Variants in CD244 observed in about 807,000 individuals in gnomAD.
CD244 encodes CD244 molecule, also known as natural killer cell receptor 2B4.
A neutral mutation model predicts 45.5 loss-of-function variants in CD244; 20 were observed. The ratio of observed to expected loss-of-function variants is 0.44; its 90% CI spans 0.31 to 0.64. The LOEUF (loss-of-function observed/expected upper bound fraction) is 0.64, where lower values mean the gene tolerates loss of function less well. Ranked by LOEUF, CD244 falls within the 30% of genes least tolerant of loss-of-function variation. The probability of loss-of-function intolerance (pLI) is 0.08; values close to 1 mark genes in which losing one functional copy is unlikely to be tolerated. For missense variants in CD244, 407 were observed against 426.9 expected (o/e 0.95, Z 0.41); for synonymous variants, 185 against 160.5 (o/e 1.15, Z -1.15).
intron 8 of CD244, among the ~76,000 whole-genome samples, 166 bp downstream of exon 8, chr1:160,832,353 C>G (rs897554155): frequency 6.6e-6 from 1 of 152,176 alleles, no homozygotes; most frequent in Non-Finnish European, 1.5e-5. Context: ...TCTCCTTGGG[C>G]TTCAGTGTCT....
At chr1:160,851,654 T>C (rs73022002) in intron 1 of CD244, among the ~76,000 whole-genome samples, 1,544 of 152,342 alleles carry the variant, frequency 0.01, 23 homozygotes, top group African/African-American at 0.036. Context: ...TTTTTTATTT[T>C]TACATTTTAA....
chr1:160,857,539 C>T (rs753936121), intron 1 of CD244, among the ~76,000 whole-genome samples: 5 of 152,070 alleles, frequency 3.3e-5, no homozygotes, highest in African/African-American at 9.7e-5. Context: ...GAGTGCATAC[C>T]GTTTGATTCC....
At chr1:160,831,720 G>A (rs1210580264) in intron 8 of CD244, among the ~76,000 whole-genome samples, 3 of 152,162 alleles carry the variant, frequency 2.0e-5, no homozygotes, top group Non-Finnish European at 1.5e-5. Flanking sequence ...TGGCTTTAAT[G>A]TTGGGTGATA....
At chr1:160,850,569 A>G (rs746744776) in intron 1 of CD244, among the ~76,000 whole-genome samples, 10 of 152,250 alleles carry the variant, frequency 6.6e-5, no homozygotes, top group Admixed American at 3.9e-4. Flanking sequence ...ATATCAAGAT[A>G]TATTGTAAAA....
chr1:160,844,361 T>G (rs1472376423), intron 1 of CD244, among the ~76,000 whole-genome samples: 1 of 152,084 alleles, frequency 6.6e-6, no homozygotes, highest in East Asian at 1.9e-4. Context: ...AAAACATAAG[T>G]TTAAGAATTT....
chr1:160,845,155 G>C (rs1389433987), intron 1 of CD244, among the ~76,000 whole-genome samples: 1 of 151,972 alleles, frequency 6.6e-6, no homozygotes, highest in Non-Finnish European at 1.5e-5. Context: ...ACTGGATTTT[G>C]GAGTAGGTCA....
chr1:160,834,776 T>C (rs1296385875), intron 6 of CD244, among the ~76,000 whole-genome samples: 2 of 152,236 alleles, frequency 1.3e-5, no homozygotes, highest in African/African-American at 4.8e-5. Flanking sequence ...GAAGCAGAAT[T>C]CAAACCCAAG....
chr1:160,843,950 T>C (rs1669634205), intron 1 of CD244, among the ~76,000 whole-genome samples: 1 of 152,192 alleles, frequency 6.6e-6, no homozygotes, highest in African/African-American at 2.4e-5. Context: ...AAAGCGGGTA[T>C]ACATAAAATC....
In CD244 at chr1:160,836,283, T is replaced by A. The variant is rs777290573; in HGVS notation, c.835-29A>T. On this transcript the variant is annotated intron_variant, in intron 5 of 8. Transcript: ENST00000368034. ...CACAAGAAATGGAGATGGGGTAACATGAGCGACAGTTCGGTCTGTCCAGAT... is the reference window on the plus strand; with the variant it reads ...CACAAGAAATGGAGATGGGGTAACAAGAGCGACAGTTCGGTCTGTCCAGAT... 3.8e-6 allele frequency: 6 copies of A among 1,577,140 alleles called. No individual in the cohort carries two copies. The South Asian group carries it at 5.5e-5, about 15-fold the overall frequency.
At chr1:160,839,850 G>A (rs186922522) in intron 3 of CD244, among the ~76,000 whole-genome samples, 107 of 152,220 alleles carry the variant, frequency 7.0e-4, no homozygotes, top group African/African-American at 7.7e-4. Flanking sequence ...CAAGTTTTCC[G>A]TCTCACTTTT....
intron 1 of CD244, chr1:160,848,063 C>T (rs1476487686): frequency 1.7e-5 from 6 of 363,068 alleles, no homozygotes; most frequent in South Asian, 6.5e-5. Flanking sequence ...ACCCTTGGAC[C>T]GTGTCTCCTT....
At chr1:160,849,304 C>CT (rs1557840584) in intron 1 of CD244, among the ~76,000 whole-genome samples, 2 of 108,466 alleles carry the variant, frequency 1.8e-5, no homozygotes, top group African/African-American at 8.7e-5. Context: ...TTTTGTTTTA[C>CT]TTTAAGTTCT....
At chr1:160,852,814 G>T (rs2101889306) in intron 1 of CD244, among the ~76,000 whole-genome samples, 1 of 152,104 alleles carries the variant, frequency 6.6e-6, no homozygotes, top group East Asian at 1.9e-4. Flanking sequence ...CCTGAGGTCA[G>T]GAGTTTGAGA....
At position 160,833,032 on chromosome 1, in the gene CD244, A is replaced by G. The variant is rs1482104694; in HGVS notation, c.961-457T>C. 3.3e-5 allele frequency among the ~76,000 whole-genome samples: 5 copies of G among 151,906 alleles called. No individual in the cohort carries two copies. The East Asian group carries it at 9.7e-4, about 29-fold the overall frequency. ...ATGCAAATACTGCCCCAAACCATGT[A>G]TCTCTTCAACGCATGCATACACACA... On this transcript the variant is annotated intron_variant, in intron 7 of 8. Transcript: ENST00000368034.
At chr1:160,853,303 A>C (rs1226138597) in intron 1 of CD244, among the ~76,000 whole-genome samples, 3 of 152,212 alleles carry the variant, frequency 2.0e-5, no homozygotes, top group Non-Finnish European at 4.4e-5. Context: ...ACTGATATAA[A>C]GTTTAAAATC....
chr1:160,841,931 C>T (rs372676368), intron 1 of CD244, 30 bp from the exon 2 acceptor site: 42 of 1,598,874 alleles, frequency 2.6e-5, no homozygotes, highest in Admixed American at 1.0e-4. Flanking sequence ...CTGAAAGTAG[C>T]GGGAAGAGTG....
chr1:160,837,132 A>AT (rs1669361655), intron 5 of CD244, among the ~76,000 whole-genome samples: 1 of 152,202 alleles, frequency 6.6e-6, no homozygotes, highest in Admixed American at 6.5e-5. Context: ...AGGCCTTCAA[A>AT]TTGGAGCCCT....
intron 1 of CD244, among the ~76,000 whole-genome samples, chr1:160,843,902 G>T (rs1044228291): frequency 3.3e-5 from 5 of 152,310 alleles, no homozygotes; most frequent in Middle Eastern, 3.4e-3. Flanking sequence ...AAAACTCAAG[G>T]AACTAAGAGA....
rs781292774 is a variant in CD244, at chr1:160,836,248, C to G, written c.841G>C (p.Glu281Gln). 1.9e-6 allele frequency: 3 copies of G among 1,613,134 alleles called. No individual in the cohort carries two copies. The East Asian group carries it at 6.7e-5, about 36-fold the overall frequency. ...CTCCCCCCTCCAGGAAAAGTCTGCT[C>G]CTGCTCCTGCACAAGAAATGGAGAT... ...DLKTRRNHEQ[E>Q]QTFPGGGSTI... The change falls in exon 6 of 9, where the codon GAG becomes CAG. Residue 281 changes from glutamate (E) to glutamine (Q), a missense_variant. Coordinates refer to ENST00000368034, the MANE Select transcript of CD244 (RefSeq NM_016382.4).
Sources: gnomAD v4.1 joint callset for allele counts (sites outside exome capture counted in the v4.1 genomes callset) on GRCh38, gnomAD v4.1.1 for gene constraint, MANE v1.5 for transcripts, NCBI Gene and HGNC (gene_info 2026-07-23, HGNC 2026-07-21) for gene names.